The following NOX4 variants were observed in gnomAD, a reference collection of about 807,000 sequenced individuals.
The protein encoded by NOX4 is NADPH oxidase 4, also known as kidney oxidase-1.
Under a neutral mutation model 87.6 loss-of-function variants are expected in NOX4, and 69 were observed. The ratio of observed to expected loss-of-function variants is 0.79; its 90% CI spans 0.65 to 0.96. The LOEUF is 0.96. Among genes scored for constraint, NOX4 ranks in the 40% least tolerant of loss-of-function variants. NOX4 has a pLI of 0.00. For synonymous variants in NOX4, 275 were observed against 238.2 expected, an observed-to-expected ratio of 1.15 and a Z score of -1.42; for missense variants, 680 against 681.5, an observed-to-expected ratio of 1.00 and a Z score of 0.02.
At chr11:89,498,516 T>C (rs1946983568), upstream of NOX4, among the ~76,000 whole-genome samples, 1 of 152,198 alleles carries the variant, frequency 6.6e-6, no homozygotes, top group African/African-American at 2.4e-5. Context: ...ATCCCGTTTA[T>C]ATTAAAAATT....
At chr11:89,470,001 C>T (rs73535502) in intron 2 of NOX4, among the ~76,000 whole-genome samples, 3,299 of 151,958 alleles carry the variant, frequency 0.022, 114 homozygotes, top group African/African-American at 0.07. Flanking sequence ...GAATATGAAG[C>T]CCCTTAACTA....
intron 12 of NOX4, among the ~76,000 whole-genome samples, chr11:89,358,731 C>T (rs983396176): frequency 1.3e-5 from 2 of 148,260 alleles, no homozygotes; most frequent in South Asian, 2.1e-4. Context: ...AGGAAAAGGC[C>T]AAAATAATTT....
the NOX4 span, among the ~76,000 whole-genome samples, chr11:89,529,005 T>G: frequency 6.6e-6 from 1 of 152,150 alleles, no homozygotes; most frequent in Admixed American, 6.5e-5. Flanking sequence ...ACAACTTCTG[T>G]TTTGTGAACA....
At chr11:89,401,232 C>T (rs1263078191) in intron 9 of NOX4, among the ~76,000 whole-genome samples, 2 of 152,100 alleles carry the variant, frequency 1.3e-5, no homozygotes, top group African/African-American at 4.8e-5. Flanking sequence ...TAGCCCCACA[C>T]TGTGTTATGA....
intron 2 of NOX4, among the ~76,000 whole-genome samples, chr11:89,479,653 T>C (rs1946309837): frequency 6.6e-6 from 1 of 152,216 alleles, no homozygotes; most frequent in Non-Finnish European, 1.5e-5. Flanking sequence ...AGTTTCCATT[T>C]AGAGATGAGA....
the NOX4 span, among the ~76,000 whole-genome samples, chr11:89,558,209 G>T: frequency 6.6e-6 from 1 of 152,004 alleles, no homozygotes; most frequent in African/African-American, 2.4e-5. Context: ...GCTCAGAGTC[G>T]ATGCCCTTTA....
intron 17 of NOX4, among the ~76,000 whole-genome samples, chr11:89,334,210 G>T (rs2135370237): frequency 6.6e-6 from 1 of 151,778 alleles, no homozygotes. Flanking sequence ...GCAATGCATA[G>T]CAAGAGACAG....
At chr11:89,437,176 C>T (rs1158349595) in intron 6 of NOX4, among the ~76,000 whole-genome samples, 2 of 151,820 alleles carry the variant, frequency 1.3e-5, no homozygotes, top group Non-Finnish European at 2.9e-5. Flanking sequence ...GCCTGGCCAA[C>T]ATAGTGAAAC....
At chr11:89,582,765 C>CTGA in the NOX4 span, among the ~76,000 whole-genome samples, 1 of 152,178 alleles carries the variant, frequency 6.6e-6, no homozygotes, top group Non-Finnish European at 1.5e-5. Context: ...GACAGGTGTC[C>CTGA]TTCAGGCGTT....
chr11:89,517,321 A>G, the NOX4 span, among the ~76,000 whole-genome samples: 10 of 152,162 alleles, frequency 6.6e-5, no homozygotes, highest in South Asian at 1.9e-3. Flanking sequence ...TAAGTTCATC[A>G]AGTTTTTAAG....
rs1945679942 is a variant in NOX4 at position 89,335,765 on chromosome 11, T to G, written c.1616+80A>C. 9 of 663,086 alleles carry G rather than the reference T, an allele frequency of 1.4e-5. No individual in the cohort carries two copies. The South Asian group carries it at 2.4e-4, about 17-fold the overall frequency. The allele number at this position is 663,086 out of a possible 1,614,324, so 41.1% of individuals were successfully genotyped here. On this transcript the variant is annotated intron_variant, in intron 17 of 17. Coordinates refer to ENST00000263317, the MANE Select transcript of NOX4 (RefSeq NM_016931.5). ...TTGGTAAACTCATTGCCAATTCATT[T>G]TCAAACTTCATGTAATTATTTGAAA...
chr11:89,397,521 A>G (rs1941570425), intron 11 of NOX4, among the ~76,000 whole-genome samples: 1 of 152,168 alleles, frequency 6.6e-6, no homozygotes, highest in Admixed American at 6.6e-5. Context: ...AAAATCAATG[A>G]ATGCAGAAGC....
rs184699277 is a variant in NOX4 at position 89,497,819 on chromosome 11, A to G, written c.-115+178T>C. ...GGTTTTAATGAAAGAAATGAAAGAC[A>G]GTAGGAGAATCTAAATTTCCTGACT... is the stretch of plus-strand genomic sequence containing the variant. On this transcript the variant is annotated intron_variant, in intron 1 of 18. Coordinates refer to the NOX4 transcript ENST00000527956. 5.8e-3 allele frequency among the ~76,000 whole-genome samples: 890 copies of G among 152,334 alleles called. 8 individuals carry two copies. The highest frequency in any genetic ancestry group is 0.02 in the African/African-American group (848 of 41,588).
the NOX4 span, among the ~76,000 whole-genome samples, chr11:89,541,438 C>G: frequency 6.6e-6 from 1 of 152,144 alleles, no homozygotes; most frequent in Non-Finnish European, 1.5e-5. Context: ...GGTCTCAATG[C>G]CAACATATGT....
At chr11:89,564,637 A>G in the NOX4 span, among the ~76,000 whole-genome samples, 1 of 152,172 alleles carries the variant, frequency 6.6e-6, no homozygotes, top group Non-Finnish European at 1.5e-5. Context: ...TTTGTTTGCA[A>G]CACAGAACTT....
chr11:89,486,013 A>G (rs368343484), intron 2 of NOX4, among the ~76,000 whole-genome samples: 6 of 152,134 alleles, frequency 3.9e-5, no homozygotes, highest in Non-Finnish European at 8.8e-5. Context: ...AGAACCCCCA[A>G]TAAAACATAT....
At chr11:89,546,681 G>C in the NOX4 span, 1 of 152,212 alleles carries the variant, frequency 6.6e-6, no homozygotes, top group Non-Finnish European at 1.5e-5. Flanking sequence ...CTGGCACCTG[G>C]TGAGGGTCTT....
intron 12 of NOX4, among the ~76,000 whole-genome samples, chr11:89,359,624 CA>C (rs1175412639): frequency 1.3e-5 from 2 of 152,000 alleles, no homozygotes; most frequent in African/African-American, 2.4e-5. Context: ...TGATCACTGT[CA>C]CATAATTAGT....
chr11:89,480,445 T>A (rs748170036), intron 2 of NOX4, among the ~76,000 whole-genome samples: 5 of 152,176 alleles, frequency 3.3e-5, no homozygotes, highest in African/African-American at 4.8e-5. Flanking sequence ...TAAGTCATAA[T>A]GCTCAGCACA....
Sources: allele counts gnomAD v4.1 joint callset (sites outside exome capture counted in the v4.1 genomes callset), GRCh38; gene constraint gnomAD v4.1.1; transcripts MANE v1.5; gene names NCBI Gene and HGNC (gene_info 2026-07-23, HGNC 2026-07-21).